The following MYLK variants were observed in gnomAD, a reference collection of about 807,000 sequenced individuals.
The protein encoded by MYLK is myosin light chain kinase.
MYLK carries 106 observed loss-of-function variants against 203.4 expected under a neutral mutation model. The ratio of observed to expected loss-of-function variants is 0.52; its 90% CI spans 0.45 to 0.61. The LOEUF (loss-of-function observed/expected upper bound fraction) is 0.61. Ranked by LOEUF, MYLK falls within the 20% of genes least tolerant of loss-of-function variation. The probability of loss-of-function intolerance (pLI) is 0.00; values close to 1 mark genes in which losing one functional copy is unlikely to be tolerated. For missense variants in MYLK, 2,072 were observed against 2,442.3 expected (o/e 0.85, Z 3.20); for synonymous variants, 867 against 959.5 (o/e 0.90, Z 1.78).
intron 3 of MYLK, among the ~76,000 whole-genome samples, chr3:123,795,426 T>C (rs2064951091): frequency 2.0e-5 from 3 of 152,218 alleles, no homozygotes; most frequent in Admixed American, 6.5e-5. Flanking sequence ...AAAGTGGAAT[T>C]ATTATAAGTA....
intron 11 of MYLK, among the ~76,000 whole-genome samples, chr3:123,728,217 A>T (rs2062357743): frequency 6.6e-6 from 1 of 152,198 alleles, no homozygotes; most frequent in African/African-American, 2.4e-5. Context: ...AAAAACAAAC[A>T]AACATCCAGG....
At chr3:123,636,287 G>A (rs575722602) in intron 29 of MYLK, among the ~76,000 whole-genome samples, 92 of 152,346 alleles carry the variant, frequency 6.0e-4, no homozygotes, top group Non-Finnish European at 1.2e-3. Context: ...GGGCAGCCAC[G>A]TGGGCTTCCT....
chr3:123,773,732 T>G (rs2063963495), intron 4 of MYLK, among the ~76,000 whole-genome samples: 1 of 152,144 alleles, frequency 6.6e-6, no homozygotes, highest in African/African-American at 2.4e-5. Flanking sequence ...GTATCCTCAT[T>G]CTCTAGCTGG....
chr3:123,781,988 G>A (rs2064317336), intron 4 of MYLK, among the ~76,000 whole-genome samples: 5 of 152,174 alleles, frequency 3.3e-5, no homozygotes. Context: ...TGGCACCGAG[G>A]TGTGTTTTAT....
intron 11 of MYLK, among the ~76,000 whole-genome samples, chr3:123,728,986 G>A (rs2062389667): frequency 6.6e-6 from 1 of 152,106 alleles, no homozygotes; most frequent in South Asian, 2.1e-4. Flanking sequence ...ACAAGAGCCT[G>A]ACCAAAAAAC....
intron 3 of MYLK, among the ~76,000 whole-genome samples, chr3:123,795,505 T>C (rs2064953385): frequency 6.6e-6 from 1 of 152,208 alleles, no homozygotes; most frequent in Non-Finnish European, 1.5e-5. Flanking sequence ...AAAGGATTTG[T>C]TGGAAAGATG....
chr3:123,740,090 T>C (rs2062812337), intron 5 of MYLK, 89 bp from the exon 6 acceptor site: 2 of 1,293,292 alleles, frequency 1.5e-6, no homozygotes, highest in South Asian at 1.2e-5. Context: ...GTGGGTGGGA[T>C]AGTGATGGTG....
At position 123,739,017 on chromosome 3, in the gene MYLK, C is replaced by T. The variant is rs1560156324; in HGVS notation, c.468G>A (p.Trp156Ter). 2.5e-6 allele frequency: 4 copies of T among 1,613,906 alleles called. No individual in the cohort carries two copies. The highest frequency in any genetic ancestry group is 1.1e-5 in the South Asian group (1 of 90,962). ...TAGCAAACTTTGGTGGGCACTCCCC[C>T]CAGATGCTAGGACGGGTCTCCACTG... ...APAVETRPSI[W>*]GECPPKFATK... Residue 156 changes from tryptophan (W) to a stop codon, truncating the protein, a stop_gained, in exon 7 of 34, where the codon TGG (tryptophan) becomes TGA (stop). Transcript: ENST00000360304. LOFTEE classifies it high-confidence loss of function.
Position 123,613,703 on chromosome 3 carries a change from C to A in MYLK, c.*402G>T. ...AGGGGGTGGGGAGAGAGAGGCCTCC[C>A]ATCCCCAGGAACCCTCTGGGCTGAG... On this transcript the variant is annotated 3_prime_UTR_variant, in exon 34 of 34. Coordinates refer to ENST00000360304, the MANE Select transcript of MYLK (RefSeq NM_053025.4). 4.3e-6 allele frequency: 1 copy of A among 233,960 alleles called. No individual in the cohort carries two copies. Among genetic ancestry groups the A allele is most frequent in the East Asian group, 1.2e-4 (1 of 8,390 alleles). The allele number at this position is 233,960 out of a possible 1,614,324, so 14.5% of individuals were successfully genotyped here. A position where few individuals can be genotyped will look rare whatever the true frequency, so the allele number is the denominator to read the frequency against.
At chr3:123,825,952 C>T (rs996570072) in intron 3 of MYLK, among the ~76,000 whole-genome samples, 6 of 152,198 alleles carry the variant, frequency 3.9e-5, no homozygotes, top group Non-Finnish European at 8.8e-5. Context: ...TATGCCCCTG[C>T]ACCAGCAAAG....
intron 13 of MYLK, 139 bp downstream of exon 13, chr3:123,721,989 G>C: frequency 1.8e-6 from 2 of 1,097,854 alleles, no homozygotes; most frequent in Non-Finnish European, 2.7e-6. Flanking sequence ...GCCGCTGCCA[G>C]TGGTGTGGAG....
At chr3:123,704,924 T>C (rs1463565082) in intron 16 of MYLK, among the ~76,000 whole-genome samples, 1 of 151,808 alleles carries the variant, frequency 6.6e-6, no homozygotes, top group Non-Finnish European at 1.5e-5. Flanking sequence ...TGTCAAAAAA[T>C]AAAAAATAAA....
At chr3:123,823,221 A>C (rs1290448940) in intron 3 of MYLK, among the ~76,000 whole-genome samples, 1 of 152,090 alleles carries the variant, frequency 6.6e-6, no homozygotes, top group Non-Finnish European at 1.5e-5. Flanking sequence ...CTCACTCCTG[A>C]GGTGATCAAA....
chr3:123,822,567 T>G (rs183634133), intron 3 of MYLK, among the ~76,000 whole-genome samples: 1 of 152,308 alleles, frequency 6.6e-6, no homozygotes, highest in East Asian at 1.9e-4. Context: ...GCTGCATCAA[T>G]CAGTGGGCAA....
At chr3:123,849,400 C>T (rs1045969152) in intron 2 of MYLK, among the ~76,000 whole-genome samples, 1 of 152,112 alleles carries the variant, frequency 6.6e-6, no homozygotes, top group African/African-American at 2.4e-5. Context: ...GAAATACTAC[C>T]TAGCCAACCC....
At chr3:123,800,428 C>T (rs2065155141) in intron 3 of MYLK, among the ~76,000 whole-genome samples, 1 of 152,008 alleles carries the variant, frequency 6.6e-6, no homozygotes. Context: ...GTTTATGATC[C>T]CTAGAGCAGG....
At chr3:123,654,052 T>C (rs1027908595) in intron 24 of MYLK, among the ~76,000 whole-genome samples, 1 of 150,940 alleles carries the variant, frequency 6.6e-6, no homozygotes, top group African/African-American at 2.4e-5. Context: ...ATGGCAGTTT[T>C]GTTACTCAGT....
chr3:123,744,628 A>T (rs2062959961), intron 5 of MYLK, among the ~76,000 whole-genome samples: 1 of 152,212 alleles, frequency 6.6e-6, no homozygotes, highest in African/African-American at 2.4e-5. Context: ...AATTTATCAC[A>T]GGACTTCAAG....
At position 123,645,495 on chromosome 3, in the gene MYLK, C is replaced by T. The variant is rs114196058; in HGVS notation, c.4619+1729G>A. 1.1e-3 allele frequency among the ~76,000 whole-genome samples: 170 copies of T among 152,280 alleles called. 1 individual carries two copies. Among genetic ancestry groups the T allele is most frequent in the African/African-American group, 4.0e-3 (165 of 41,548 alleles). The stretch of plus-strand genomic sequence containing the variant: ...AGAGAATTCCAAGATGCTAACAGAG[C>T]CCTCACCAAAGGACAGAGACCCCCC... On this transcript the variant is annotated intron_variant, in intron 27 of 33. Coordinates refer to ENST00000360304, the MANE Select transcript of MYLK (RefSeq NM_053025.4).
Sources: gnomAD v4.1 joint callset for allele counts (sites outside exome capture counted in the v4.1 genomes callset) on GRCh38, gnomAD v4.1.1 for gene constraint, MANE v1.5 for transcripts, NCBI Gene and HGNC (gene_info 2026-07-23, HGNC 2026-07-21) for gene names.